NFATC2: variants seen among roughly 807,000 people sequenced by gnomAD.
NFATC2 encodes the protein nuclear factor of activated T cells 2, also known as nuclear factor of activated T-cells, cytoplasmic 2.
NFATC2 carries 22 observed loss-of-function variants against 87.3 expected under a neutral mutation model. That is an observed-to-expected ratio of 0.25 (90% CI 0.18 to 0.36). The LOEUF (loss-of-function observed/expected upper bound fraction) is 0.36. Ranked by LOEUF, NFATC2 falls within the 10% of genes least tolerant of loss-of-function variation. The pLI, the probability that NFATC2 is intolerant of heterozygous loss-of-function variation, is 1.00. For synonymous variants in NFATC2, 565 were observed against 542.2 expected, an observed-to-expected ratio of 1.04 and a Z score of -0.58; for missense variants, 1,149 against 1,259.1, an observed-to-expected ratio of 0.91 and a Z score of 1.32.
chr20:51,394,136 C>G (rs1014694623), intron 10 of NFATC2, among the ~76,000 whole-genome samples: 1 of 152,118 alleles, frequency 6.6e-6, no homozygotes, highest in Non-Finnish European at 1.5e-5. Flanking sequence ...GGGTAGGAAC[C>G]TCCTCTTTCT....
In NFATC2 at chr20:51,475,579, C is replaced by A. The variant is rs769968405; in HGVS notation, c.1414G>T (p.Ala472Ser). 1.2e-6 allele frequency: 2 copies of A among 1,614,000 alleles called. No individual in the cohort carries two copies. The highest frequency in any genetic ancestry group is 1.7e-5 in the Admixed American group (1 of 59,998). Residue 472 changes from alanine (A) to serine (S), a missense_variant, in exon 4 of 11, where the codon GCC becomes TCC. Transcript: ENST00000371564. The part of the protein sequence containing the change: ...TADERILKPH[A>S]FYQVHRITGK... ...GTGATTCGGTGCACCTGGTAGAAGG[C>A]GTGCGGCTTAAGGATCCGCTCATCA...
intron 1 of NFATC2, among the ~76,000 whole-genome samples, chr20:51,560,856 T>A (rs1368681895): frequency 3.3e-5 from 5 of 152,180 alleles, no homozygotes; most frequent in Non-Finnish European, 5.9e-5. Context: ...AACTAGTTCA[T>A]ACACCTGGGG....
chr20:51,508,474 A>G lies in NFATC2; in HGVS notation c.1332+8310T>C, dbSNP rs191484694. On this transcript the variant is annotated intron_variant, in intron 3 of 10. Coordinates refer to ENST00000371564, the MANE Select transcript of NFATC2 (RefSeq NM_012340.5). ...CTGGTTTGGACTGTAGTCTTTTTCA[A>G]ATTTTAATGAAATCACCAGTCTCAT... 3.9e-3 allele frequency among the ~76,000 whole-genome samples: 598 copies of G among 152,148 alleles called. 15 individuals carry two copies. Among genetic ancestry groups the G allele is most frequent in the Admixed American group, 0.034 (519 of 15,284 alleles).
chr20:51,393,841 G>C (rs1251120079), intron 10 of NFATC2, among the ~76,000 whole-genome samples: 1 of 152,216 alleles, frequency 6.6e-6, no homozygotes, highest in Non-Finnish European at 1.5e-5. Context: ...GGTAGGCAGA[G>C]ACGCTGGCAC....
intron 2 of NFATC2, among the ~76,000 whole-genome samples, chr20:51,517,231 T>C (rs59900177): frequency 0.17 from 26,179 of 152,056 alleles, 2,363 homozygotes; most frequent in African/African-American, 0.22. Flanking sequence ...CTGTAGGCAA[T>C]GGTAACACAA....
At position 51,535,846 on chromosome 20, in the gene NFATC2, T is replaced by C. The variant is rs373282734; in HGVS notation, c.130+6524A>G. On this transcript the variant is annotated intron_variant, in intron 1 of 10. Transcript: ENST00000371564. ...AAATCCTGAGCTTTGCTGGCCACTT[T>C]CTTCCCTTCAGACCCAGCTGAAGAA... 3.0e-3 allele frequency among the ~76,000 whole-genome samples: 463 copies of C among 152,340 alleles called. 3 individuals carry two copies. Among genetic ancestry groups the C allele is most frequent in the African/African-American group, 9.9e-3 (412 of 41,572 alleles).
At chr20:51,488,622 C>G (rs568840948) in intron 3 of NFATC2, among the ~76,000 whole-genome samples, 13 of 120,534 alleles carry the variant, frequency 1.1e-4, no homozygotes, top group Non-Finnish European at 1.9e-4. Flanking sequence ...CACTGAAACC[C>G]TATCCCTTGT....
At chr20:51,520,650 A>T (rs958243243) in intron 2 of NFATC2, among the ~76,000 whole-genome samples, 2 of 150,654 alleles carry the variant, frequency 1.3e-5, no homozygotes, top group Non-Finnish European at 3.0e-5. Flanking sequence ...ATTTTTATTT[A>T]TTATTATTAT....
At chr20:51,498,555 T>C (rs1209073786) in intron 3 of NFATC2, among the ~76,000 whole-genome samples, 1 of 151,908 alleles carries the variant, frequency 6.6e-6, no homozygotes, top group African/African-American at 2.4e-5. Flanking sequence ...CCCAGCACTT[T>C]GGGAGGCCGA....
chr20:51,437,303 G>C (rs991065926), intron 6 of NFATC2, among the ~76,000 whole-genome samples: 1 of 152,198 alleles, frequency 6.6e-6, no homozygotes, highest in South Asian at 2.1e-4. Flanking sequence ...ACATGCTAAT[G>C]AGCATTTGGA....
intron 3 of NFATC2, among the ~76,000 whole-genome samples, chr20:51,495,846 C>T (rs1347444395): frequency 6.6e-6 from 1 of 152,220 alleles, no homozygotes; most frequent in African/African-American, 2.4e-5. Flanking sequence ...ATCATCCCTC[C>T]TCTGTCCCTG....
intron 5 of NFATC2, among the ~76,000 whole-genome samples, chr20:51,462,802 G>A (rs558712277): frequency 4.6e-5 from 7 of 152,282 alleles, no homozygotes; most frequent in African/African-American, 7.2e-5. Context: ...AATCACTCCC[G>A]TTTTAGAGTA....
In NFATC2 at chr20:51,454,794, G is replaced by A. The variant is rs369305558; in HGVS notation, c.1709-106C>T. 2.5e-5 allele frequency: 31 copies of A among 1,219,702 alleles called. No individual in the cohort carries two copies. In the East Asian group the frequency reaches 2.6e-4, roughly 10 times the overall value. 75.6% of individuals were successfully genotyped at this position (1,219,702 alleles called of 1,614,324 possible). A position where few individuals can be genotyped will look rare whatever the true frequency, so the allele number is the denominator to read the frequency against. ...GATATGACATGCTCTGCCCACCTGT[G>A]TCACCTGTTGTTATCTAAAATGTGG... On this transcript the variant is annotated intron_variant, in intron 5 of 10. Coordinates refer to ENST00000371564, the MANE Select transcript of NFATC2 (RefSeq NM_012340.5).
At chr20:51,510,272 G>A (rs1474008560) in intron 3 of NFATC2, among the ~76,000 whole-genome samples, 4 of 152,192 alleles carry the variant, frequency 2.6e-5, no homozygotes, top group African/African-American at 7.2e-5. Flanking sequence ...TTTGGAAGCC[G>A]CCAGGAAAGG....
At chr20:51,422,122 G>C (rs1213611763) in intron 9 of NFATC2, among the ~76,000 whole-genome samples, 2 of 152,202 alleles carry the variant, frequency 1.3e-5, no homozygotes, top group Admixed American at 1.3e-4. Context: ...ACAGGCTTCA[G>C]ATGAAACCTA....
chr20:51,561,399 GAAAGA>G (rs2077022105), intron 1 of NFATC2, among the ~76,000 whole-genome samples: 3 of 132,214 alleles, frequency 2.3e-5, no homozygotes, highest in African/African-American at 9.2e-5. Flanking sequence ...GAAAGAGAGA[GAAAGA>G]AAAGAAAGAA....
intron 9 of NFATC2, among the ~76,000 whole-genome samples, chr20:51,423,253 G>GCA (rs796776271): frequency 1.4e-4 from 18 of 125,674 alleles, no homozygotes; most frequent in African/African-American, 5.7e-4. Flanking sequence ...GGGCACCACT[G>GCA]CACTGCAGCC....
intron 6 of NFATC2, among the ~76,000 whole-genome samples, chr20:51,442,900 A>G (rs182774817): frequency 6.6e-6 from 1 of 152,166 alleles, no homozygotes; most frequent in African/African-American, 2.4e-5. Context: ...CGGGGCCCCC[A>G]AACAGGGAGG....
At chr20:51,462,313 G>T (rs1241251843) in intron 5 of NFATC2, among the ~76,000 whole-genome samples, 2 of 150,798 alleles carry the variant, frequency 1.3e-5, no homozygotes, top group African/African-American at 2.4e-5. Flanking sequence ...GGGCATGATG[G>T]CACGCACCTG....
Sources: gnomAD v4.1 joint callset for allele counts (sites outside exome capture counted in the v4.1 genomes callset) on GRCh38, gnomAD v4.1.1 for gene constraint, MANE v1.5 for transcripts, NCBI Gene and HGNC (gene_info 2026-07-23, HGNC 2026-07-21) for gene names.